CSGALNACT1: variants seen among roughly 807,000 people sequenced by gnomAD.
The protein encoded by CSGALNACT1 is chondroitin sulfate N-acetylgalactosaminyltransferase 1, also known as beta4GalNAcT-1.
CSGALNACT1 carries 52 observed loss-of-function variants against 51.0 expected under a neutral mutation model. That is an observed-to-expected ratio of 1.02 (90% CI 0.82 to 1.29). The LOEUF (loss-of-function observed/expected upper bound fraction) is 1.29. CSGALNACT1 is among the 50% of genes most tolerant of loss of function. The pLI, the probability that CSGALNACT1 is intolerant of heterozygous loss-of-function variation, is 0.00. For missense variants in CSGALNACT1, 935 were observed against 679.2 expected (o/e 1.38, Z -4.19); for synonymous variants, 341 against 254.4 (o/e 1.34, Z -3.24).
chr8:19,549,007 G>C (rs934861201), intron 3 of CSGALNACT1, among the ~76,000 whole-genome samples: 6 of 151,982 alleles, frequency 3.9e-5, no homozygotes, highest in Admixed American at 6.6e-5. Context: ...TACAGAGATA[G>C]TGTCTCACTA....
chr8:19,532,668 T>C (rs1054754987), intron 3 of CSGALNACT1, among the ~76,000 whole-genome samples: 2 of 152,166 alleles, frequency 1.3e-5, no homozygotes, highest in African/African-American at 2.4e-5. Flanking sequence ...GCTCCTACCA[T>C]ATTCCAGTCA....
intron 6 of CSGALNACT1, 59 bp from the exon 6 acceptor site, chr8:19,420,577 A>AG: frequency 6.5e-7 from 1 of 1,549,942 alleles, no homozygotes. Context: ...GCATCCCCTG[A>AG]GAAAATATGT....
intron 1 of CSGALNACT1, among the ~76,000 whole-genome samples, chr8:19,693,678 A>G (rs2061444580): frequency 6.6e-6 from 1 of 152,014 alleles, no homozygotes; most frequent in Admixed American, 6.6e-5. Flanking sequence ...TTTGTGATCA[A>G]CCAGTTTTGA....
chr8:19,408,156 C>A (rs2054724237), intron 9 of CSGALNACT1, among the ~76,000 whole-genome samples: 1 of 152,130 alleles, frequency 6.6e-6, no homozygotes, highest in Non-Finnish European at 1.5e-5. Context: ...GGAAGACTTG[C>A]TGCAAAGCTG....
chr8:19,453,268 A>G (rs535928527), intron 5 of CSGALNACT1, among the ~76,000 whole-genome samples: 1 of 152,332 alleles, frequency 6.6e-6, no homozygotes, highest in African/African-American at 2.4e-5. Flanking sequence ...GAAAACAATA[A>G]AACAACAGAA....
At chr8:19,478,136 CGGGTG>C (rs1440286251) in intron 4 of CSGALNACT1, among the ~76,000 whole-genome samples, 2 of 119,700 alleles carry the variant, frequency 1.7e-5, no homozygotes, top group Non-Finnish European at 3.8e-5. Context: ...ATGTCTGGGC[CGGGTG>C]CGGTGGCTCA....
chr8:19,467,284 T>C (rs1165990942), intron 4 of CSGALNACT1, among the ~76,000 whole-genome samples: 1 of 151,962 alleles, frequency 6.6e-6, no homozygotes, highest in Non-Finnish European at 1.5e-5. Flanking sequence ...CATGACTGGC[T>C]AATTTTTTTT....
chr8:19,671,197 A>G (rs373511158), intron 1 of CSGALNACT1, among the ~76,000 whole-genome samples: 1 of 152,304 alleles, frequency 6.6e-6, no homozygotes, highest in East Asian at 1.9e-4. Flanking sequence ...GACAGGCTCA[A>G]AACCCAGCAG....
intron 2 of CSGALNACT1, among the ~76,000 whole-genome samples, chr8:19,599,080 G>C (rs1301959515): frequency 6.6e-6 from 1 of 151,966 alleles, no homozygotes; most frequent in Non-Finnish European, 1.5e-5. Flanking sequence ...GGAGTGAGCA[G>C]AAGGGCCAGA....
intron 1 of CSGALNACT1, among the ~76,000 whole-genome samples, chr8:19,754,015 T>C (rs1190249669): frequency 6.6e-6 from 1 of 150,672 alleles, no homozygotes. Context: ...AAACACTTTT[T>C]AAAGGTGAGA....
chr8:19,416,771 T>C (rs886966424), intron 8 of CSGALNACT1, among the ~76,000 whole-genome samples: 1 of 152,212 alleles, frequency 6.6e-6, no homozygotes, highest in African/African-American at 2.4e-5. Context: ...ATTGCATAAG[T>C]GCGCTGTATG....
intron 2 of CSGALNACT1, among the ~76,000 whole-genome samples, chr8:19,599,511 A>AGAAAGAAAGAAAGAAAGAAG (rs2049883784): frequency 2.7e-5 from 4 of 150,788 alleles, no homozygotes; most frequent in Admixed American, 6.6e-5. Context: ...AAAGAAAGAA[A>AGAAAGAAAGAAAGAAAGAAG]GAAAGAAAGA....
chr8:19,712,290 G>T (rs541856895), intron 1 of CSGALNACT1, among the ~76,000 whole-genome samples: 1 of 152,202 alleles, frequency 6.6e-6, no homozygotes, highest in Admixed American at 6.5e-5. Flanking sequence ...CTCCCAAAGT[G>T]CTGGGATTAC....
At chr8:19,481,836 C>T (rs1266124420) in intron 4 of CSGALNACT1, among the ~76,000 whole-genome samples, 1 of 152,194 alleles carries the variant, frequency 6.6e-6, no homozygotes, top group Non-Finnish European at 1.5e-5. Flanking sequence ...ATCTTATGTG[C>T]AAAGCTAAAA....
At chr8:19,455,462 C>G (rs1387256493) in intron 5 of CSGALNACT1, among the ~76,000 whole-genome samples, 1 of 152,128 alleles carries the variant, frequency 6.6e-6, no homozygotes, top group African/African-American at 2.4e-5. Flanking sequence ...ACTTTATGGT[C>G]ATGTTAATTG....
intron 3 of CSGALNACT1, among the ~76,000 whole-genome samples, chr8:19,545,676 G>C (rs2086297699): frequency 6.6e-6 from 1 of 151,838 alleles, no homozygotes; most frequent in Non-Finnish European, 1.5e-5. Flanking sequence ...AAAAACGTAA[G>C]GAAATGGTTA....
At chr8:19,608,271 C>A (rs1181459967) in intron 1 of CSGALNACT1, among the ~76,000 whole-genome samples, 1 of 152,176 alleles carries the variant, frequency 6.6e-6, no homozygotes, top group African/African-American at 2.4e-5. Flanking sequence ...CCCAACATAA[C>A]AAATTATACA....
intron 1 of CSGALNACT1, among the ~76,000 whole-genome samples, chr8:19,688,352 A>G (rs1589523510): frequency 6.6e-6 from 1 of 152,208 alleles, no homozygotes; most frequent in East Asian, 1.9e-4. Context: ...TTCTGTAAAA[A>G]AAAATCTCTT....
At chr8:19,685,319 G>T (rs1041814737), upstream of CSGALNACT1, among the ~76,000 whole-genome samples, 13 of 152,052 alleles carry the variant, frequency 8.5e-5, no homozygotes, top group African/African-American at 2.9e-4. Context: ...GACCAGTCTG[G>T]GCAACATGGC....
Sources: gnomAD v4.1 joint callset for allele counts (sites outside exome capture counted in the v4.1 genomes callset) on GRCh38, gnomAD v4.1.1 for gene constraint, MANE v1.5 for transcripts, NCBI Gene and HGNC (gene_info 2026-07-23, HGNC 2026-07-21) for gene names.